Variants in SNX10 observed in about 807,000 individuals in gnomAD.
The protein encoded by SNX10 is sorting nexin-10.
Under a neutral mutation model 28.5 loss-of-function variants are expected in SNX10, and 25 were observed. The observed-to-expected ratio is 0.88, with a 90% CI of 0.64 to 1.22. The LOEUF is 1.22. Ranked by LOEUF, SNX10 falls within the 50% of genes most tolerant of loss-of-function variation. SNX10 has a pLI of 0.00. For synonymous variants in SNX10, 62 were observed against 81.4 expected (o/e 0.76, Z 1.28); for missense variants, 223 against 242.6 (o/e 0.92, Z 0.54).
intron 2 of SNX10, among the ~76,000 whole-genome samples, chr7:26,351,664 T>G (rs1041508070): frequency 1.4e-5 from 2 of 146,178 alleles, no homozygotes; most frequent in East Asian, 4.0e-4. Context: ...TTTTTGTTTT[T>G]TTTTTTTTTT....
At chr7:26,315,794 A>G (rs556934734) in intron 1 of SNX10, among the ~76,000 whole-genome samples, 1 of 152,308 alleles carries the variant, frequency 6.6e-6, no homozygotes, top group South Asian at 2.1e-4. Flanking sequence ...GCTTTCTTTT[A>G]TGTAAATAAA....
chr7:26,315,388 G>A (rs1419126492), intron 1 of SNX10, among the ~76,000 whole-genome samples: 1 of 152,156 alleles, frequency 6.6e-6, no homozygotes, highest in Non-Finnish European at 1.5e-5. Flanking sequence ...ACAAAATATG[G>A]CTGGGTGTGG....
At chr7:26,369,581 A>C (rs1330977629) in intron 5 of SNX10, among the ~76,000 whole-genome samples, 2 of 152,028 alleles carry the variant, frequency 1.3e-5, no homozygotes, top group African/African-American at 4.8e-5. Context: ...AAAAACCAAA[A>C]CTGTACCTAG....
intron 1 of SNX10, 37 bp from the exon 2 acceptor site, chr7:26,346,383 G>T: frequency 7.2e-7 from 1 of 1,379,960 alleles, no homozygotes; most frequent in Non-Finnish European, 1.0e-6. Context: ...CAGTTTGGAG[G>T]TTCCAAATGA....
intron 1 of SNX10, among the ~76,000 whole-genome samples, chr7:26,313,499 T>C (rs1786933687): frequency 6.6e-6 from 1 of 152,164 alleles, no homozygotes; most frequent in Admixed American, 6.5e-5. Context: ...ACCTACTATA[T>C]CTGGGACTCT....
At chr7:26,355,813 T>C (rs1176954653) in intron 2 of SNX10, among the ~76,000 whole-genome samples, 1 of 152,218 alleles carries the variant, frequency 6.6e-6, no homozygotes, top group Non-Finnish European at 1.5e-5. Flanking sequence ...GTACAGTCTT[T>C]GGAACAAGGC....
At chr7:26,353,726 A>G (rs1294447137) in intron 2 of SNX10, among the ~76,000 whole-genome samples, 1 of 152,218 alleles carries the variant, frequency 6.6e-6, no homozygotes, top group Non-Finnish European at 1.5e-5. Context: ...TGCTGGGATT[A>G]TAGGCTTGAG....
At chr7:26,320,238 T>C (rs1433497106) in intron 1 of SNX10, among the ~76,000 whole-genome samples, 1 of 151,796 alleles carries the variant, frequency 6.6e-6, no homozygotes, top group Non-Finnish European at 1.5e-5. Context: ...TGCCTCGCCC[T>C]CCCAAAGTAT....
At chr7:26,368,121 G>A (rs1404119921) in intron 5 of SNX10, among the ~76,000 whole-genome samples, 2 of 152,010 alleles carry the variant, frequency 1.3e-5, no homozygotes, top group Non-Finnish European at 2.9e-5. Context: ...ACCATTTATC[G>A]AACACTTTCT....
At chr7:26,331,374 C>T (rs1259147647) in intron 1 of SNX10, among the ~76,000 whole-genome samples, 1 of 152,078 alleles carries the variant, frequency 6.6e-6, no homozygotes, top group Non-Finnish European at 1.5e-5. Flanking sequence ...TCACTTAAGC[C>T]CAGGAGTTCC....
At chr7:26,366,944 G>A (rs115672813) in intron 5 of SNX10, among the ~76,000 whole-genome samples, 197 of 152,296 alleles carry the variant, frequency 1.3e-3, no homozygotes, top group African/African-American at 4.5e-3. Flanking sequence ...TGCTGGTTGT[G>A]TTTGATGCAG....
At chr7:26,365,889 G>C (rs1194438385) in intron 5 of SNX10, among the ~76,000 whole-genome samples, 1 of 152,168 alleles carries the variant, frequency 6.6e-6, no homozygotes, top group Non-Finnish European at 1.5e-5. Flanking sequence ...TCCTCTGCCT[G>C]TGTCTTCCCA....
intron 2 of SNX10, 146 bp downstream of exon 2, chr7:26,346,612 A>C: frequency 2.9e-6 from 2 of 699,312 alleles, no homozygotes; most frequent in East Asian, 2.6e-5. Flanking sequence ...CTGCTCCTCT[A>C]CTCCCACCAT....
intron 6 of SNX10, 78 bp downstream of exon 6, chr7:26,372,111 A>G (rs2128029718): frequency 2.3e-6 from 2 of 885,650 alleles, no homozygotes; most frequent in Admixed American, 2.6e-5. Context: ...GTATAGATAT[A>G]TATACACACT....
At chr7:26,307,064 G>A (rs1786629089) in intron 1 of SNX10, among the ~76,000 whole-genome samples, 1 of 152,204 alleles carries the variant, frequency 6.6e-6, no homozygotes, top group African/African-American at 2.4e-5. Context: ...CTCAGCAGTG[G>A]ATCTTCATGA....
intron 1 of SNX10, among the ~76,000 whole-genome samples, chr7:26,306,412 ATTT>A (rs35204396): frequency 2.8e-5 from 4 of 142,228 alleles, no homozygotes; most frequent in African/African-American, 2.6e-5. Flanking sequence ...CTTGAAGAGA[ATTT>A]TTTTTTTTTT....
intron 3 of SNX10, among the ~76,000 whole-genome samples, chr7:26,361,725 C>T (rs113689423): frequency 4.6e-5 from 7 of 152,174 alleles, no homozygotes; most frequent in African/African-American, 1.7e-4. Flanking sequence ...CGAGACTACT[C>T]ATTTCTGCTG....
At chr7:26,354,995 T>C (rs1263443587) in intron 2 of SNX10, among the ~76,000 whole-genome samples, 2 of 152,134 alleles carry the variant, frequency 1.3e-5, no homozygotes, top group Non-Finnish European at 2.9e-5. Context: ...TGTGGTTTGG[T>C]TGGTGTTGAT....
chr7:26,328,255 A>G (rs927714044), intron 1 of SNX10, among the ~76,000 whole-genome samples: 6 of 152,154 alleles, frequency 3.9e-5, no homozygotes, highest in African/African-American at 1.2e-4. Context: ...AAAGGAATCA[A>G]TGACAGTTTC....
Sources: gnomAD v4.1 joint callset for allele counts (sites outside exome capture counted in the v4.1 genomes callset) on GRCh38, gnomAD v4.1.1 for gene constraint, MANE v1.5 for transcripts, NCBI Gene and HGNC (gene_info 2026-07-23, HGNC 2026-07-21) for gene names.